The following SOX5 variants were observed in gnomAD, a reference collection of about 807,000 sequenced individuals.
SOX5 encodes the protein transcription factor SOX-5.
A neutral mutation model predicts 92.0 loss-of-function variants in SOX5; 9 were observed. The ratio of observed to expected loss-of-function variants is 0.10; its 90% CI spans 0.06 to 0.17. The LOEUF (loss-of-function observed/expected upper bound fraction) is 0.17. Among genes scored for constraint, SOX5 ranks in the 10% least tolerant of loss-of-function variants. The probability of loss-of-function intolerance (pLI) is 1.00; values close to 1 mark genes in which losing one functional copy is unlikely to be tolerated. For synonymous variants in SOX5, 344 were observed against 336.3 expected, an observed-to-expected ratio of 1.02 and a Z score of -0.25; for missense variants, 642 against 944.5, an observed-to-expected ratio of 0.68 and a Z score of 4.20.
At chr12:24,501,188 AG>A (rs1333645235) in intron 1 of SOX5, among the ~76,000 whole-genome samples, 1 of 152,148 alleles carries the variant, frequency 6.6e-6, no homozygotes, top group Non-Finnish European at 1.5e-5. Context: ...TTGCCACATG[AG>A]GGGCAAACTA....
intron 11 of SOX5, among the ~76,000 whole-genome samples, chr12:23,548,452 A>C (rs1943566206): frequency 6.6e-6 from 1 of 152,062 alleles, no homozygotes; most frequent in Admixed American, 6.6e-5. Flanking sequence ...TCTCAAGAGG[A>C]CGTCAGTGGG....
intron 4 of SOX5, among the ~76,000 whole-genome samples, chr12:24,024,613 C>T (rs886082420): frequency 6.6e-6 from 1 of 152,024 alleles, no homozygotes; most frequent in African/African-American, 2.4e-5. Flanking sequence ...AAACTGACTA[C>T]ATTTCAGACA....
intron 4 of SOX5, among the ~76,000 whole-genome samples, chr12:24,159,606 T>C (rs769592022): frequency 1.3e-5 from 2 of 152,000 alleles, no homozygotes; most frequent in African/African-American, 2.4e-5. Flanking sequence ...TCTCATTAAC[T>C]GAACTCTTAA....
At chr12:23,598,573 T>C (rs1056741796) in intron 9 of SOX5, among the ~76,000 whole-genome samples, 2 of 151,714 alleles carry the variant, frequency 1.3e-5, no homozygotes, top group Admixed American at 6.6e-5. Flanking sequence ...TAATTTTTTG[T>C]ATTTTTTAGT....
intron 4 of SOX5, among the ~76,000 whole-genome samples, chr12:24,138,891 C>T (rs1290062106): frequency 6.6e-6 from 1 of 152,076 alleles, no homozygotes; most frequent in Non-Finnish European, 1.5e-5. Flanking sequence ...GTATCCCAGG[C>T]AACATAATAG....
intron 3 of SOX5, among the ~76,000 whole-genome samples, chr12:23,793,125 G>A (rs535786195): frequency 2.6e-5 from 4 of 152,190 alleles, no homozygotes; most frequent in Non-Finnish European, 5.9e-5. Context: ...TAATCTTCCT[G>A]TAACTATAAA....
intron 2 of SOX5, among the ~76,000 whole-genome samples, chr12:23,864,275 A>C (rs1032874849): frequency 1.3e-4 from 20 of 151,716 alleles, no homozygotes; most frequent in African/African-American, 4.8e-4. Flanking sequence ...CTCTCCCTCT[A>C]CTCGGGCGTC....
chr12:24,344,237 C>T (rs1952928624), intron 2 of SOX5, among the ~76,000 whole-genome samples: 1 of 136,812 alleles, frequency 7.3e-6, no homozygotes, highest in Non-Finnish European at 1.5e-5. Context: ...GAGCCGAGAT[C>T]GTGCCACCGC....
intron 4 of SOX5, chr12:24,213,333 AT>A (rs1383232889): frequency 6.6e-6 from 1 of 151,532 alleles, no homozygotes; most frequent in African/African-American, 2.4e-5. Context: ...GGTAATGTAA[AT>A]GTCCTGACCT....
At chr12:23,573,453 A>C (rs1445097012) in intron 10 of SOX5, among the ~76,000 whole-genome samples, 2 of 152,136 alleles carry the variant, frequency 1.3e-5, no homozygotes, top group Non-Finnish European at 2.9e-5. Flanking sequence ...CTATTAAATA[A>C]TCCCTCTTTT....
chr12:24,172,501 TGCACTCCA>T (rs1182244053), intron 4 of SOX5, among the ~76,000 whole-genome samples: 1 of 151,988 alleles, frequency 6.6e-6, no homozygotes, highest in Non-Finnish European at 1.5e-5. Flanking sequence ...TTCGTGTCAT[TGCACTCCA>T]GCCTGGGTGA....
At chr12:23,719,804 A>AC (rs1291633657) in intron 6 of SOX5, among the ~76,000 whole-genome samples, 1 of 150,458 alleles carries the variant, frequency 6.6e-6, no homozygotes, top group African/African-American at 2.4e-5. Context: ...AAAAAAAAAA[A>AC]AAAAAAACTG....
At chr12:24,057,913 CCA>C (rs1162721602) in intron 4 of SOX5, among the ~76,000 whole-genome samples, 1 of 152,256 alleles carries the variant, frequency 6.6e-6, no homozygotes, top group Non-Finnish European at 1.5e-5. Flanking sequence ...GTTAATTTCT[CCA>C]CAGTCTTTAA....
At chr12:23,712,621 T>C (rs1221201418) in intron 6 of SOX5, among the ~76,000 whole-genome samples, 1 of 152,204 alleles carries the variant, frequency 6.6e-6, no homozygotes, top group Non-Finnish European at 1.5e-5. Context: ...TCTAAGTGTA[T>C]GCAACTAAGT....
At chr12:24,039,394 A>G (rs1185680344) in intron 4 of SOX5, among the ~76,000 whole-genome samples, 1 of 152,204 alleles carries the variant, frequency 6.6e-6, no homozygotes, top group Non-Finnish European at 1.5e-5. Flanking sequence ...AGGTCTTGCT[A>G]AAGTCAACAT....
intron 1 of SOX5, among the ~76,000 whole-genome samples, chr12:24,495,934 A>G (rs571461021): frequency 6.6e-6 from 1 of 152,308 alleles, no homozygotes; most frequent in Non-Finnish European, 1.5e-5. Flanking sequence ...AGTGTTATAA[A>G]TCACTCCAGA....
chr12:24,507,020 G>C (rs1413448307), intron 1 of SOX5, among the ~76,000 whole-genome samples: 4 of 151,706 alleles, frequency 2.6e-5, no homozygotes, highest in Non-Finnish European at 5.9e-5. Flanking sequence ...TCGATTTCCT[G>C]ACCTCGTGAT....
intron 3 of SOX5, among the ~76,000 whole-genome samples, chr12:23,787,473 A>G (rs921169955): frequency 5.3e-5 from 8 of 152,032 alleles, no homozygotes; most frequent in African/African-American, 1.9e-4. Flanking sequence ...TTTCTTTTCC[A>G]TATCATTGGT....
chr12:24,479,475 A>G, intron 1 of SOX5, among the ~76,000 whole-genome samples: 1 of 152,196 alleles, frequency 6.6e-6, no homozygotes, highest in East Asian at 1.9e-4. Flanking sequence ...AATTGAGGAA[A>G]ATGAGCTAAA....
Sources: allele counts gnomAD v4.1 joint callset (sites outside exome capture counted in the v4.1 genomes callset), GRCh38; gene constraint gnomAD v4.1.1; transcripts MANE v1.5; gene names NCBI Gene and HGNC (gene_info 2026-07-23, HGNC 2026-07-21).